The following STXBP5L variants were observed in gnomAD, a reference collection of about 807,000 sequenced individuals.
The protein encoded by STXBP5L is syntaxin-binding protein 5-like.
In STXBP5L, 65 loss-of-function variants were observed where a neutral mutation model predicts 144.5. The observed-to-expected ratio is 0.45, with a 90% CI of 0.37 to 0.55. STXBP5L has a LOEUF of 0.55. Ranked by LOEUF, STXBP5L falls within the 20% of genes least tolerant of loss-of-function variation. STXBP5L has a pLI of 0.00. For missense variants in STXBP5L, 1,298 were observed against 1,405.5 expected, an observed-to-expected ratio of 0.92 and a Z score of 1.22; for synonymous variants, 505 against 469.6, an observed-to-expected ratio of 1.08 and a Z score of -0.97.
At chr3:121,388,635 C>A (rs2046491002) in intron 22 of STXBP5L, among the ~76,000 whole-genome samples, 1 of 152,190 alleles carries the variant, frequency 6.6e-6, no homozygotes, top group South Asian at 2.1e-4. Flanking sequence ...GCCTTTTCTG[C>A]ATCTATTGAG....
At chr3:120,976,733 T>C (rs1424922770) in intron 3 of STXBP5L, among the ~76,000 whole-genome samples, 1 of 152,238 alleles carries the variant, frequency 6.6e-6, no homozygotes, top group Non-Finnish European at 1.5e-5. Flanking sequence ...CCAGTGTTTC[T>C]GGTATGTTGT....
intron 3 of STXBP5L, among the ~76,000 whole-genome samples, chr3:120,980,111 T>A (rs1941592868): frequency 6.6e-6 from 1 of 152,212 alleles, no homozygotes; most frequent in Admixed American, 6.5e-5. Flanking sequence ...TTTAAAAGTT[T>A]TATTGACACT....
chr3:121,284,196 C>A (rs1435194711), intron 19 of STXBP5L, among the ~76,000 whole-genome samples: 1 of 151,414 alleles, frequency 6.6e-6, no homozygotes, highest in Non-Finnish European at 1.5e-5. Context: ...TTTTTTCAGC[C>A]CATCATTCAG....
At chr3:121,156,697 A>T (rs895913537) in intron 8 of STXBP5L, among the ~76,000 whole-genome samples, 1 of 151,956 alleles carries the variant, frequency 6.6e-6, no homozygotes, top group Non-Finnish European at 1.5e-5. Context: ...AACTAACTAT[A>T]ATAGGAAATA....
chr3:121,229,313 T>G (rs1309031787), intron 11 of STXBP5L, among the ~76,000 whole-genome samples: 1 of 152,222 alleles, frequency 6.6e-6, no homozygotes, highest in Non-Finnish European at 1.5e-5. Flanking sequence ...ATCCACATTT[T>G]GACACTCCCT....
chr3:121,089,835 T>C (rs2107727196), intron 5 of STXBP5L, among the ~76,000 whole-genome samples: 1 of 152,224 alleles, frequency 6.6e-6, no homozygotes, highest in South Asian at 2.1e-4. Context: ...CTGGCTCTTA[T>C]GTCTGTCCTT....
intron 3 of STXBP5L, among the ~76,000 whole-genome samples, chr3:120,989,854 C>A (rs1351526412): frequency 1.3e-5 from 2 of 152,140 alleles, no homozygotes; most frequent in Non-Finnish European, 2.9e-5. Flanking sequence ...CAATATCATA[C>A]TGAATGGGCA....
intron 9 of STXBP5L, among the ~76,000 whole-genome samples, chr3:121,166,464 TTTG>T (rs1388060171): frequency 6.6e-6 from 1 of 152,236 alleles, no homozygotes; most frequent in African/African-American, 2.4e-5. Context: ...ATAATTAGTT[TTTG>T]TTTCTAAAGT....
intron 9 of STXBP5L, among the ~76,000 whole-genome samples, chr3:121,187,611 GA>G (rs1327020678): frequency 8.2e-5 from 11 of 134,758 alleles, no homozygotes; most frequent in East Asian, 4.7e-4. Flanking sequence ...AAAAAAAAAA[GA>G]AAAAAAATAA....
At chr3:121,192,190 G>C (rs974287795) in intron 9 of STXBP5L, among the ~76,000 whole-genome samples, 2 of 152,132 alleles carry the variant, frequency 1.3e-5, no homozygotes, top group South Asian at 2.1e-4. Flanking sequence ...AACAGACAGA[G>C]AGCCAAATTA....
chr3:121,209,089 G>T (rs574516273), intron 10 of STXBP5L, among the ~76,000 whole-genome samples: 94 of 152,252 alleles, frequency 6.2e-4, no homozygotes, highest in Middle Eastern at 3.4e-3. Context: ...CCCTGCAAAG[G>T]ACATGAACTT....
At chr3:121,025,938 ATT>A (rs1359629433) in intron 3 of STXBP5L, among the ~76,000 whole-genome samples, 1 of 118,582 alleles carries the variant, frequency 8.4e-6, no homozygotes, top group Non-Finnish European at 1.6e-5. Context: ...AATTTTATAA[ATT>A]ATATCAATAT....
At chr3:121,360,228 T>C (rs1232670454) in intron 20 of STXBP5L, among the ~76,000 whole-genome samples, 1 of 151,442 alleles carries the variant, frequency 6.6e-6, no homozygotes. Context: ...ACTCCTCCTT[T>C]TTTTGGTTTC....
intron 3 of STXBP5L, among the ~76,000 whole-genome samples, chr3:120,978,231 G>T (rs1389126845): frequency 1.3e-5 from 2 of 152,144 alleles, no homozygotes; most frequent in Admixed American, 6.5e-5. Context: ...TTTCTTGGAG[G>T]CTTTGTTCGT....
At chr3:121,006,085 G>T (rs181237573) in intron 3 of STXBP5L, among the ~76,000 whole-genome samples, 1 of 152,164 alleles carries the variant, frequency 6.6e-6, no homozygotes, top group Non-Finnish European at 1.5e-5. Flanking sequence ...GTGCAGAGCT[G>T]AGTTCAATTC....
At chr3:121,287,559 G>A (rs569066479) in intron 19 of STXBP5L, among the ~76,000 whole-genome samples, 12 of 151,640 alleles carry the variant, frequency 7.9e-5, no homozygotes, top group Admixed American at 3.9e-4. Flanking sequence ...GGCCGGGCGC[G>A]GTGGCTCATG....
chr3:121,038,584 G>A (rs528039067), intron 3 of STXBP5L, among the ~76,000 whole-genome samples: 15 of 151,852 alleles, frequency 9.9e-5, no homozygotes, highest in African/African-American at 3.6e-4. Context: ...TTTTTGGGTT[G>A]TGTGTTTTAT....
At chr3:121,399,618 G>A (rs542893795) in intron 22 of STXBP5L, among the ~76,000 whole-genome samples, 8 of 152,348 alleles carry the variant, frequency 5.3e-5, no homozygotes, top group African/African-American at 1.7e-4. Context: ...AAAGGAATAA[G>A]TTGGGCTAGT....
At chr3:121,063,804 G>A (rs548649777) in intron 5 of STXBP5L, among the ~76,000 whole-genome samples, 4 of 148,810 alleles carry the variant, frequency 2.7e-5, no homozygotes, top group East Asian at 2.0e-4. Context: ...GCAGAAAACC[G>A]CCTACTCAAG....
Sources: allele counts gnomAD v4.1 joint callset (sites outside exome capture counted in the v4.1 genomes callset), GRCh38; gene constraint gnomAD v4.1.1; transcripts MANE v1.5; gene names NCBI Gene and HGNC (gene_info 2026-07-23, HGNC 2026-07-21).